TBCK: variants seen among roughly 807,000 people sequenced by gnomAD.
TBCK encodes TBC domain-containing protein kinase-like protein.
TBCK carries 99 observed loss-of-function variants against 113.4 expected under a neutral mutation model. The ratio of observed to expected loss-of-function variants is 0.87; its 90% CI spans 0.74 to 1.03. The LOEUF (loss-of-function observed/expected upper bound fraction) is 1.03, where lower values mean the gene tolerates loss of function less well. Among genes scored for constraint, TBCK ranks in the 50% least tolerant of loss-of-function variants. The pLI is 0.00. For synonymous variants in TBCK, 369 were observed against 370.8 expected, an observed-to-expected ratio of 1.00 and a Z score of 0.05; for missense variants, 1,045 against 1,061.3, an observed-to-expected ratio of 0.98 and a Z score of 0.21.
At chr4:106,143,428 C>T (rs928828480) in intron 23 of TBCK, among the ~76,000 whole-genome samples, 28 of 152,120 alleles carry the variant, frequency 1.8e-4, no homozygotes, top group Middle Eastern at 6.8e-3. Flanking sequence ...TTTTACTATA[C>T]GAGTACAAAT....
intron 3 of TBCK, among the ~76,000 whole-genome samples, chr4:106,270,107 T>C (rs1330068777): frequency 6.6e-6 from 1 of 152,062 alleles, no homozygotes; most frequent in Admixed American, 6.6e-5. Flanking sequence ...AAAGTCCAAG[T>C]CTCCCTCAAA....
In TBCK at chr4:106,194,231, T is replaced by C. The variant is rs552373524; in HGVS notation, c.1898-461A>G. 1.1e-3 allele frequency among the ~76,000 whole-genome samples: 164 copies of C among 152,220 alleles called. 1 individual carries two copies. The highest frequency in any genetic ancestry group is 3.4e-3 in the Middle Eastern group (1 of 290). ...TATATCTTCCAGGCCACTGCATAAA[T>C]ATCTACTTCAAATATTATTACAGTT... On this transcript the variant is annotated intron_variant, in intron 21 of 25. Coordinates refer to ENST00000394708, the MANE Select transcript of TBCK (RefSeq NM_001163435.3).
At chr4:106,154,599 C>G (rs1748909792) in intron 23 of TBCK, among the ~76,000 whole-genome samples, 1 of 152,032 alleles carries the variant, frequency 6.6e-6, no homozygotes, top group Non-Finnish European at 1.5e-5. Context: ...ATAGTGAGTT[C>G]TTGTGTAAAG....
intron 23 of TBCK, among the ~76,000 whole-genome samples, chr4:106,138,810 G>T (rs1210474530): frequency 1.4e-5 from 2 of 141,040 alleles, no homozygotes; most frequent in Admixed American, 1.4e-4. Context: ...TACTTAGCTG[G>T]ATAACTTCTG....
At chr4:106,146,609 T>C (rs927658978) in intron 23 of TBCK, among the ~76,000 whole-genome samples, 2 of 152,200 alleles carry the variant, frequency 1.3e-5, no homozygotes, top group African/African-American at 2.4e-5. Flanking sequence ...AAAAATACTT[T>C]ATTGCTAAAA....
intron 13 of TBCK, 100 bp from the exon 14 acceptor site, chr4:106,236,619 C>A: frequency 8.5e-7 from 1 of 1,179,992 alleles, no homozygotes; most frequent in Middle Eastern, 3.1e-4. Flanking sequence ...TCAGAAAAAG[C>A]ACAAAATTTT....
intron 25 of TBCK, among the ~76,000 whole-genome samples, chr4:106,066,868 TG>T (rs1560598064): frequency 6.6e-6 from 1 of 152,110 alleles, no homozygotes; most frequent in African/African-American, 2.4e-5. Context: ...TGTCTTTTTA[TG>T]GCTGAACATT....
chr4:106,155,893 A>G (rs1053680263), intron 23 of TBCK, among the ~76,000 whole-genome samples: 4 of 152,032 alleles, frequency 2.6e-5, no homozygotes, highest in Non-Finnish European at 4.4e-5. Flanking sequence ...CTGGTGGCTT[A>G]TTTAGTTCAT....
chr4:106,282,424 TA>T (rs1250839095), intron 3 of TBCK, among the ~76,000 whole-genome samples: 9 of 152,018 alleles, frequency 5.9e-5, no homozygotes, highest in African/African-American at 2.2e-4. Flanking sequence ...TGATCTTTAT[TA>T]TTTTTTTTCT....
At chr4:106,294,728 G>A (rs368914514) in intron 3 of TBCK, among the ~76,000 whole-genome samples, 50 of 151,954 alleles carry the variant, frequency 3.3e-4, no homozygotes, top group East Asian at 1.6e-3. Flanking sequence ...TGATCCGCCC[G>A]CCTCGGCCTC....
chr4:106,089,702 A>G (rs2149506142), intron 25 of TBCK, among the ~76,000 whole-genome samples: 1 of 152,362 alleles, frequency 6.6e-6, no homozygotes, highest in South Asian at 2.1e-4. Context: ...ATTGGCCAAA[A>G]GAGAGGCAAT....
intron 2 of TBCK, among the ~76,000 whole-genome samples, chr4:106,296,684 C>T (rs1766342925): frequency 6.6e-6 from 1 of 151,618 alleles, no homozygotes; most frequent in African/African-American, 2.4e-5. Flanking sequence ...ATTAAAAATG[C>T]TATAAGTGAA....
At chr4:106,075,575 T>C (rs962827211) in intron 25 of TBCK, among the ~76,000 whole-genome samples, 1 of 152,224 alleles carries the variant, frequency 6.6e-6, no homozygotes, top group Non-Finnish European at 1.5e-5. Flanking sequence ...ATTGGCAATA[T>C]AGTGTTCTAT....
intron 3 of TBCK, among the ~76,000 whole-genome samples, chr4:106,287,696 C>T (rs1014089865): frequency 6.6e-6 from 1 of 152,200 alleles, no homozygotes; most frequent in Non-Finnish European, 1.5e-5. Context: ...TGGAAAGGCC[C>T]TCAATGTAGA....
chr4:106,130,677 T>C (rs1427019229), intron 23 of TBCK, among the ~76,000 whole-genome samples: 1 of 151,864 alleles, frequency 6.6e-6, no homozygotes, highest in Non-Finnish European at 1.5e-5. Context: ...GGAATTAATT[T>C]TATTTTTGTT....
At chr4:106,171,847 T>C (rs1405027371) in intron 22 of TBCK, among the ~76,000 whole-genome samples, 4 of 152,116 alleles carry the variant, frequency 2.6e-5, no homozygotes, top group African/African-American at 9.7e-5. Context: ...TTTCCTGTTT[T>C]TGAGATAGAG....
Position 106,244,852 on chromosome 4 carries a change from A to C in TBCK, c.932-88T>G, listed in dbSNP as rs1456482582. On this transcript the variant is annotated intron_variant, in intron 10 of 25. Coordinates refer to ENST00000394708, the MANE Select transcript of TBCK (RefSeq NM_001163435.3). ...GGCAGTAATAGCTGCCATTCTAAAA[A>C]AAATAAACTCTGAAGAACAGACTTC... 4 of 820,032 alleles carry C rather than the reference A, an allele frequency of 4.9e-6. No homozygotes were observed. In the Admixed American group the frequency reaches 1.1e-4, roughly 23 times the overall value. 50.8% of individuals were successfully genotyped at this position (820,032 alleles called of 1,614,324 possible). A position where few individuals can be genotyped will look rare whatever the true frequency, so the allele number is the denominator to read the frequency against.
At chr4:106,194,475 G>A (rs892440029) in intron 21 of TBCK, among the ~76,000 whole-genome samples, 1 of 151,642 alleles carries the variant, frequency 6.6e-6, no homozygotes, top group South Asian at 2.1e-4. Context: ...TTTTTCAAAG[G>A]GGGGCAGAGT....
chr4:106,132,908 AC>A (rs1422714591), intron 23 of TBCK, among the ~76,000 whole-genome samples: 1 of 152,262 alleles, frequency 6.6e-6, no homozygotes, highest in East Asian at 1.9e-4. Context: ...GGGTGTATTT[AC>A]CCAATGCCTG....
Sources: allele counts gnomAD v4.1 joint callset (sites outside exome capture counted in the v4.1 genomes callset), GRCh38; gene constraint gnomAD v4.1.1; transcripts MANE v1.5; gene names NCBI Gene and HGNC (gene_info 2026-07-23, HGNC 2026-07-21).